CHRNA5: variants seen among roughly 807,000 people sequenced by gnomAD.
CHRNA5 encodes cholinergic receptor nicotinic alpha 5 subunit.
Under a neutral mutation model 41.2 loss-of-function variants are expected in CHRNA5, and 28 were observed. The ratio of observed to expected loss-of-function variants is 0.68; its 90% confidence interval spans 0.50 to 0.93. The LOEUF (loss-of-function observed/expected upper bound fraction) is 0.93, where lower values mean the gene tolerates loss of function less well. Ranked by LOEUF, CHRNA5 falls within the 40% of genes least tolerant of loss-of-function variation. The pLI is 0.00. For missense variants in CHRNA5, 481 were observed against 581.9 expected, an observed-to-expected ratio of 0.83 and a Z score of 1.78; for synonymous variants, 188 against 205.8, an observed-to-expected ratio of 0.91 and a Z score of 0.74.
At chr15:78,581,740 T>A (rs1315190805) in intron 2 of CHRNA5, among the ~76,000 whole-genome samples, 2 of 152,226 alleles carry the variant, frequency 1.3e-5, no homozygotes, top group Non-Finnish European at 2.9e-5. Context: ...CGGAGATGAC[T>A]AATGTTAATA....
intron 1 of CHRNA5, among the ~76,000 whole-genome samples, chr15:78,579,534 G>A (rs367809533): frequency 6.6e-5 from 10 of 152,300 alleles, no homozygotes; most frequent in Admixed American, 5.9e-4. Flanking sequence ...GATTACAGAC[G>A]TGAGCCACCG....
In CHRNA5 at chr15:78,590,352, A is replaced by G. The variant is rs74865777; in HGVS notation, c.961A>G (p.Met321Val). The G allele has an allele frequency of 2.2e-4, 351 of 1,614,192 alleles. 1 individual carries two copies. Among genetic ancestry groups the G allele is most frequent in the Non-Finnish European group, 2.8e-4 (331 of 1,180,048 alleles). Residue 321 changes from methionine to valine, a missense_variant, in exon 5 of 6, where the codon ATG becomes GTG. Met to Val is a conservative substitution (Grantham distance 21, BLOSUM62 1). Coordinates refer to ENST00000299565, the Ensembl canonical transcript of CHRNA5. ...AATTGGAGAGTATCTGGTATTTACC[A>G]TGATTTTTGTGACACTGTCAATTAT...
exon 5 of CHRNA5, chr15:78,589,815 C>T (rs765553764): frequency 3.8e-6 from 6 of 1,575,844 alleles, no homozygotes; most frequent in Non-Finnish European, 5.2e-6. Flanking sequence ...TGCAGATGGA[C>T]GTTTTGAAGG....
intron 4 of CHRNA5, 68 bp from the exon 5 acceptor site, chr15:78,589,737 C>A (rs2052992716): frequency 1.6e-6 from 2 of 1,235,106 alleles, no homozygotes; most frequent in Non-Finnish European, 2.3e-6. Flanking sequence ...TTATATTAGG[C>A]TTATATTAAT....
exon 5 of CHRNA5, chr15:78,590,149 A>G (rs200232683): frequency 1.9e-6 from 3 of 1,614,148 alleles, no homozygotes; most frequent in African/African-American, 1.3e-5. Flanking sequence ...CCTCTCTTTT[A>G]TACCTTGTTC....
chr15:78,594,470 A>C (rs2053066244), exon 6 of CHRNA5: 2 of 152,164 alleles, frequency 1.3e-5, no homozygotes, highest in Non-Finnish European at 2.9e-5. Context: ...AGAGGTTAGG[A>C]GTTCGAGACT....
At chr15:78,576,044 C>T (rs1474259441) in intron 1 of CHRNA5, among the ~76,000 whole-genome samples, 1 of 151,926 alleles carries the variant, frequency 6.6e-6, no homozygotes, top group African/African-American at 2.4e-5. Flanking sequence ...GATACAAGTC[C>T]CCTATCAGAT....
chr15:78,574,086 T>C (rs988236721), intron 1 of CHRNA5, among the ~76,000 whole-genome samples: 36 of 150,728 alleles, frequency 2.4e-4, no homozygotes, highest in Admixed American at 6.6e-4. Context: ...GTGCTGGGAT[T>C]ACAGGCGTGA....
At chr15:78,566,231 T>A (rs2052745801) in intron 1 of CHRNA5, among the ~76,000 whole-genome samples, 1 of 152,100 alleles carries the variant, frequency 6.6e-6, no homozygotes, top group Admixed American at 6.6e-5. Flanking sequence ...GGACTTATCT[T>A]CCACCTCCTG....
At chr15:78,578,461 C>G (rs576982) in intron 1 of CHRNA5, among the ~76,000 whole-genome samples, 1 of 151,598 alleles carries the variant, frequency 6.6e-6, no homozygotes. Context: ...GAGCCGAGAT[C>G]ACACCACTGC....
At chr15:78,574,596 T>C (rs1387680475) in intron 1 of CHRNA5, among the ~76,000 whole-genome samples, 1 of 152,134 alleles carries the variant, frequency 6.6e-6, no homozygotes, top group Non-Finnish European at 1.5e-5. Flanking sequence ...TTCACAAGAA[T>C]GGTCCAAAGT....
intron 1 of CHRNA5, among the ~76,000 whole-genome samples, chr15:78,576,269 C>T (rs983679628): frequency 6.6e-6 from 1 of 152,258 alleles, no homozygotes; most frequent in South Asian, 2.1e-4. Context: ...ACCTCAGCCT[C>T]CCTAGTAGCT....
rs71148541 is a variant in CHRNA5 at position 78,580,279 on chromosome 15, C to CAAAAAAA, written c.107-515_107-509dup. ...TGGGAGACCAGGCAGGACTCCGTCT[C>CAAAAAAA]AAAAAAAAAAAAAAAAAAAAAAAGA... On this transcript the variant is annotated intron_variant, in intron 1 of 5. Coordinates refer to ENST00000299565, the Ensembl canonical transcript of CHRNA5. Among the ~76,000 whole-genome samples, 85 of 61,954 alleles carry CAAAAAAA rather than the reference C, an allele frequency of 1.4e-3. 6 individuals are homozygous for CAAAAAAA. The highest frequency in any genetic ancestry group is 4.5e-3 in the South Asian group (6 of 1,344). 40.6% of individuals were successfully genotyped at this position (61,954 alleles called of 152,430 possible).
exon 1 of CHRNA5, chr15:78,565,545 C>G (rs918999716): frequency 4.4e-4 from 93 of 212,804 alleles, no homozygotes; most frequent in Non-Finnish European, 7.3e-4. Flanking sequence ...CCGCCAGAAG[C>G]TGCTAGGCTG....
At chr15:78,568,552 G>A (rs1177469106) in intron 1 of CHRNA5, among the ~76,000 whole-genome samples, 5 of 151,986 alleles carry the variant, frequency 3.3e-5, no homozygotes, top group African/African-American at 9.7e-5. Context: ...TGCCATGGTG[G>A]TTTGCTACAC....
At chr15:78,589,262 G>A (rs1438462174) in intron 4 of CHRNA5, 1 of 152,408 alleles carries the variant, frequency 6.6e-6, no homozygotes, top group South Asian at 2.1e-4. Context: ...TGTTGGTGGT[G>A]TGCTTTCCTA....
intron 4 of CHRNA5, chr15:78,589,273 G>A (rs540981978): frequency 7.9e-5 from 12 of 152,474 alleles, no homozygotes; most frequent in African/African-American, 2.6e-4. Flanking sequence ...TGCTTTCCTA[G>A]TATATGGATT....
At chr15:78,573,606 G>T (rs1379883379) in intron 1 of CHRNA5, among the ~76,000 whole-genome samples, 1 of 152,146 alleles carries the variant, frequency 6.6e-6, no homozygotes, top group Non-Finnish European at 1.5e-5. Flanking sequence ...AGAATAATTT[G>T]TGGCAGAAAC....
chr15:78,577,539 T>C (rs572857634), intron 1 of CHRNA5, among the ~76,000 whole-genome samples: 1 of 152,318 alleles, frequency 6.6e-6, no homozygotes, highest in East Asian at 1.9e-4. Context: ...GGATTACTAT[T>C]TTATTTATAC....
Sources: gnomAD v4.1 joint callset for allele counts (sites outside exome capture counted in the v4.1 genomes callset) on GRCh38, gnomAD v4.1.1 for gene constraint, MANE v1.5 for transcripts, NCBI Gene and HGNC (gene_info 2026-07-23, HGNC 2026-07-21) for gene names.